NKD1: variants seen among roughly 807,000 people sequenced by gnomAD.
NKD1 encodes NKD inhibitor of Wnt signaling pathway 1.
NKD1 carries 21 observed loss-of-function variants against 56.0 expected under a neutral mutation model. The ratio of observed to expected loss-of-function variants is 0.38; its 90% CI spans 0.27 to 0.54. The LOEUF (loss-of-function observed/expected upper bound fraction) is 0.54. Among genes scored for constraint, NKD1 ranks in the 20% least tolerant of loss-of-function variants. The pLI is 0.82. For missense variants in NKD1, 578 were observed against 642.7 expected (o/e 0.90, Z 1.09); for synonymous variants, 263 against 265.7 (o/e 0.99, Z 0.10).
chr16:50,609,154 G>A (rs761149526), intron 4 of NKD1, among the ~76,000 whole-genome samples: 1 of 152,204 alleles, frequency 6.6e-6, no homozygotes, highest in Non-Finnish European at 1.5e-5. Flanking sequence ...GTGAAGTGCC[G>A]TGTTGTAGAG....
Position 50,633,894 on chromosome 16 carries a change from A to G in NKD1, c.*113A>G. On this transcript the variant is annotated 3_prime_UTR_variant, in exon 10 of 10. Coordinates refer to ENST00000268459, the MANE Select transcript of NKD1 (RefSeq NM_033119.5). The surrounding 1 kb of genome is among the most constrained non-coding windows in gnomAD (Gnocchi z 4.9). ...ATGATGATTATTGTTATTAATAATTATTGTTACTCCACTAATATTTAGCTA... is the reference window on the plus strand; with the variant it reads ...ATGATGATTATTGTTATTAATAATTGTTGTTACTCCACTAATATTTAGCTA... 1 of 571,708 alleles carries G rather than the reference A, an allele frequency of 1.7e-6. No individual in the cohort carries two copies. The highest frequency in any genetic ancestry group is 3.2e-5 in the South Asian group (1 of 31,190). 35.4% of individuals were successfully genotyped at this position (571,708 alleles called of 1,614,324 possible).
At chr16:50,574,557 G>C in intron 3 of NKD1, 14 of 985,372 alleles carry the variant, frequency 1.4e-5, no homozygotes, top group Non-Finnish European at 1.7e-5. Context: ...GCGTGGTCTC[G>C]CCTTGGATTG....
In NKD1 at chr16:50,598,229, CTGTGTG is replaced by C. The variant is rs5816707; in HGVS notation, c.193-10036_193-10031del. On this transcript the variant is annotated intron_variant, in intron 3 of 9. Coordinates refer to ENST00000268459, the MANE Select transcript of NKD1 (RefSeq NM_033119.5). This position sits in a 1 kb window ranked among gnomAD's most constrained non-coding sequence, Gnocchi z 4.2. The stretch of plus-strand genomic sequence containing the variant: ...CACTGCAGGGCCGCATGGGTGGACT[CTGTGTG>C]TGTGTGTGTGTGTGTGTGTGTGTGT... 1.2e-3 allele frequency among the ~76,000 whole-genome samples: 175 copies of C among 143,958 alleles called. No homozygotes were observed. Among genetic ancestry groups the C allele is most frequent in the African/African-American group, 4.2e-3 (159 of 37,954 alleles). 94.4% of individuals were successfully genotyped at this position (143,958 alleles called of 152,430 possible).
rs1246074647 is a variant in NKD1 at position 50,560,747 on chromosome 16, A to T, written c.192+11192A>T. ...AAAACATTATATATAGTAAGAGTAA[A>T]TATTGTTTTGTGTAATTTTTTGTTC... On this transcript the variant is annotated intron_variant, in intron 3 of 9. Transcript: ENST00000268459. 2.0e-5 allele frequency among the ~76,000 whole-genome samples: 3 copies of T among 151,924 alleles called. No homozygotes were observed. In the East Asian group the frequency reaches 5.8e-4, roughly 29 times the overall value.
At chr16:50,549,959 C>T (rs1333581920) in intron 3 of NKD1, among the ~76,000 whole-genome samples, 2 of 152,080 alleles carry the variant, frequency 1.3e-5, no homozygotes, top group African/African-American at 2.4e-5. Flanking sequence ...GCTGTGCTGG[C>T]CCCAGGATCT....
At chr16:50,551,493 T>C (rs770611236) in intron 3 of NKD1, among the ~76,000 whole-genome samples, 1 of 152,246 alleles carries the variant, frequency 6.6e-6, no homozygotes, top group Non-Finnish European at 1.5e-5. Flanking sequence ...AAAGTTGTTA[T>C]GCAGGGGGCC....
chr16:50,623,872 G>A lies in NKD1; in HGVS notation c.367-1613G>A, dbSNP rs1386042883. Among the ~76,000 whole-genome samples, 1 of 151,860 alleles carries A rather than the reference G, an allele frequency of 6.6e-6. No homozygotes were observed. Among genetic ancestry groups the A allele is most frequent in the Non-Finnish European group, 1.5e-5 (1 of 67,964 alleles). ...TATGCGTGTGTGTGTGTGTGTAGGGGTATGTATGTAGGCACGTGTGTCATG... is the reference window on the plus strand; with the variant it reads ...TATGCGTGTGTGTGTGTGTGTAGGGATATGTATGTAGGCACGTGTGTCATG... On this transcript the variant is annotated intron_variant, in intron 5 of 9. Transcript: ENST00000268459. The surrounding 1 kb of genome is among the most constrained non-coding windows in gnomAD (Gnocchi z 4.1).
At chr16:50,622,693 G>A (rs1962119176) in intron 5 of NKD1, among the ~76,000 whole-genome samples, 1 of 152,206 alleles carries the variant, frequency 6.6e-6, no homozygotes, top group Non-Finnish European at 1.5e-5. Flanking sequence ...AGCAGCATGA[G>A]TTCGTGCGCC....
chr16:50,626,077 G>A (rs1962206667), intron 6 of NKD1, among the ~76,000 whole-genome samples: 1 of 152,232 alleles, frequency 6.6e-6, no homozygotes, highest in African/African-American at 2.4e-5. Flanking sequence ...CAGTGCTAAG[G>A]GCCCTGCCAG....
In NKD1 at chr16:50,563,025, T is replaced by C. The variant is rs1006360197; in HGVS notation, c.192+13470T>C. ...CCGTAGAATGGGTAGAAGAAGGGGC[T>C]GTAGAAGTGACCTCTAGACTGTGCT... On this transcript the variant is annotated intron_variant, in intron 3 of 9. Transcript: ENST00000268459. Among the ~76,000 whole-genome samples, 423 of 116,996 alleles carry C rather than the reference T, an allele frequency of 3.6e-3. 3 individuals are homozygous for C. Among genetic ancestry groups the C allele is most frequent in the African/African-American group, 0.013 (405 of 30,164 alleles). The allele number at this position is 116,996 out of a possible 152,430, so 76.8% of individuals were successfully genotyped here. A position where few individuals can be genotyped will look rare whatever the true frequency, so the allele number is the denominator to read the frequency against.
rs1962658783 is a variant in NKD1, at chr16:50,645,412, C to CAAGG, written c.*11632_*11635dup. Reference sequence around the variant, plus strand: ...GGAAAGTTAGAGGGAGCAGCTGGTACAAGGGCCTCAAGGGTGGATGGAGGG... The same window carrying CAAGG: ...GGAAAGTTAGAGGGAGCAGCTGGTACAAGGAAGGGCCTCAAGGGTGGATGGAGGG... On this transcript the variant is annotated 3_prime_UTR_variant, in exon 10 of 10. Coordinates refer to ENST00000268459, the MANE Select transcript of NKD1 (RefSeq NM_033119.5). 6.6e-6 allele frequency: 1 copy of CAAGG among 152,488 alleles called. No individual in the cohort carries two copies. Among genetic ancestry groups the CAAGG allele is most frequent in the African/African-American group, 2.4e-5 (1 of 41,424 alleles). 9.4% of individuals were successfully genotyped at this position (152,488 alleles called of 1,614,324 possible). A position where few individuals can be genotyped will look rare whatever the true frequency, so the allele number is the denominator to read the frequency against.
chr16:50,548,922 C>A, intron 2 of NKD1, 173 bp downstream of exon 2: 1 of 927,006 alleles, frequency 1.1e-6, no homozygotes, highest in Non-Finnish European at 1.3e-6. Context: ...TCCTCTGTCC[C>A]TCCTACCCGC....
chr16:50,575,492 C>G (rs1371022398), intron 3 of NKD1: 3 of 363,526 alleles, frequency 8.3e-6, no homozygotes, highest in Non-Finnish European at 7.7e-6. Context: ...ATATTCCCCC[C>G]AGAAATAACG....
intron 3 of NKD1, among the ~76,000 whole-genome samples, chr16:50,562,976 T>TGCCCCC: frequency 9.4e-6 from 1 of 106,708 alleles, no homozygotes; most frequent in African/African-American, 4.9e-5. Flanking sequence ...GGCTGCTAGG[T>TGCCCCC]CCCACCACCA....
chr16:50,606,748 A>C (rs1258387551), intron 3 of NKD1: 1 of 452,448 alleles, frequency 2.2e-6, no homozygotes, highest in Admixed American at 2.4e-5. Context: ...CGCTCTGCAG[A>C]AGACCTCAGC....
chr16:50,636,444 TAAA>T lies in NKD1; in HGVS notation c.*2666_*2668del, dbSNP rs1962469661. ...AATAGTATATATACAAGGTGTACAG[TAAA>T]AAGTAAACTTCCCTCCATCCCAGGC... On this transcript the variant is annotated 3_prime_UTR_variant, in exon 10 of 10. Coordinates refer to ENST00000268459, the MANE Select transcript of NKD1 (RefSeq NM_033119.5). The T allele has an allele frequency of 2.6e-5, 4 of 152,220 alleles. No individual in the cohort carries two copies. The allele number at this position is 152,220 out of a possible 1,614,324, so 9.4% of individuals were successfully genotyped here. A position where few individuals can be genotyped will look rare whatever the true frequency, so the allele number is the denominator to read the frequency against.
At chr16:50,607,713 C>G (rs1179872884) in intron 3 of NKD1, 1 of 154,166 alleles carries the variant, frequency 6.5e-6, no homozygotes, top group East Asian at 1.9e-4. Context: ...TCTTGTTTAA[C>G]TTTGTTTAAA....
chr16:50,608,976 A>G (rs1961781076), intron 4 of NKD1, among the ~76,000 whole-genome samples: 1 of 152,190 alleles, frequency 6.6e-6, no homozygotes. Context: ...GTTGCATGCC[A>G]CCATGCCAAG....
At chr16:50,605,581 A>C (rs927739695) in intron 3 of NKD1, among the ~76,000 whole-genome samples, 1 of 152,226 alleles carries the variant, frequency 6.6e-6, no homozygotes, top group African/African-American at 2.4e-5. Flanking sequence ...TCTTGTCCTT[A>C]TTCCCTAAGC....
Sources: gnomAD v4.1 joint callset for allele counts (sites outside exome capture counted in the v4.1 genomes callset) on GRCh38, gnomAD v4.1.1 for gene constraint, Gnocchi (gnomAD v3.1) non-coding constraint, MANE v1.5 for transcripts, NCBI Gene and HGNC (gene_info 2026-07-23, HGNC 2026-07-21) for gene names.